The following ATP11C variants were observed in gnomAD, a reference collection of about 807,000 sequenced individuals.
ATP11C encodes phospholipid-transporting ATPase IG.
Under a neutral mutation model 97.4 loss-of-function variants are expected in ATP11C, and 36 were observed. That is an observed-to-expected ratio of 0.37 (90% CI 0.28 to 0.49). The LOEUF is 0.49. Ranked by LOEUF, ATP11C falls within the 20% of genes least tolerant of loss-of-function variation. The probability of loss-of-function intolerance (pLI) is 0.98; values close to 1 mark genes in which losing one functional copy is unlikely to be tolerated. For missense variants in ATP11C, 730 were observed against 824.6 expected (o/e 0.89, Z 1.40); for synonymous variants, 275 against 290.9 (o/e 0.95, Z 0.56).
intron 18 of ATP11C, among the ~76,000 whole-genome samples, chrX:139,781,497 G>A (rs1273661080): frequency 1.8e-5 from 2 of 111,680 alleles, no homozygotes; most frequent in Non-Finnish European, 3.8e-5. Flanking sequence ...AAGCTTATTT[G>A]AGGCCAGCAG....
chrX:139,876,090 C>A (rs1169237205), intron 1 of ATP11C, among the ~76,000 whole-genome samples: 6 of 111,444 alleles, frequency 5.4e-5, no homozygotes, highest in Non-Finnish European at 9.4e-5. Flanking sequence ...TTACTAAATC[C>A]TTCTACAGTA....
At chrX:139,919,909 ACT>A (rs1309222437) in intron 1 of ATP11C, among the ~76,000 whole-genome samples, 1 of 110,440 alleles carries the variant, frequency 9.1e-6, no homozygotes, top group African/African-American at 3.3e-5. Flanking sequence ...ACAGAGTGAG[ACT>A]CTGTCTCAAT....
At chrX:139,808,740 A>G (rs1486036494) in intron 5 of ATP11C, among the ~76,000 whole-genome samples, 2 of 112,545 alleles carry the variant, frequency 1.8e-5, no homozygotes. Context: ...ATAAGATACT[A>G]TATGAAAATT....
intron 1 of ATP11C, among the ~76,000 whole-genome samples, chrX:139,897,657 T>C (rs1309804938): frequency 8.8e-5 from 8 of 91,344 alleles, no homozygotes; most frequent in Admixed American, 3.8e-4. Flanking sequence ...GGCAACAGAG[T>C]AAGACTCTGT....
rs2085459016 is a variant in ATP11C, at chrX:139,932,560, G to A, written c.-518C>T. ...ACGGGGAACCCTCCCGAGGCACCCC[G>A]CGCCTCACCTCGCCTCAGCCCGACA... is the stretch of plus-strand genomic sequence containing the variant. On this transcript the variant is annotated 5_prime_UTR_variant, in exon 1 of 30. Transcript: ENST00000682941. 1 of 110,845 alleles carries A rather than the reference G, an allele frequency of 9.0e-6. No individual in the cohort carries two copies. The highest frequency in any genetic ancestry group is 1.9e-5 in the Non-Finnish European group (1 of 52,550). 9.1% of individuals were successfully genotyped at this position (110,845 alleles called of 1,213,427 possible).
intron 1 of ATP11C, among the ~76,000 whole-genome samples, chrX:139,922,670 C>A (rs932880891): frequency 1.8e-5 from 2 of 111,186 alleles, no homozygotes; most frequent in Non-Finnish European, 3.8e-5. Context: ...GACGTGAAGC[C>A]CCCTCACCAG....
At chrX:139,915,319 A>G (rs931210020) in intron 1 of ATP11C, among the ~76,000 whole-genome samples, 1 of 111,968 alleles carries the variant, frequency 8.9e-6, no homozygotes, top group Non-Finnish European at 1.9e-5. Context: ...AAGCTGTTTA[A>G]AAACAAATTT....
At chrX:139,848,983 T>C (rs2083950408) in intron 1 of ATP11C, among the ~76,000 whole-genome samples, 1 of 112,008 alleles carries the variant, frequency 8.9e-6, no homozygotes, top group Non-Finnish European at 1.9e-5. Context: ...TCCACTTGTC[T>C]TCCTTCATCT....
At chrX:139,851,194 A>G (rs1254194853) in intron 1 of ATP11C, among the ~76,000 whole-genome samples, 1 of 111,574 alleles carries the variant, frequency 9.0e-6, no homozygotes, top group Admixed American at 9.5e-5. Context: ...TCCACAGGCT[A>G]TCTGCCCAGA....
In ATP11C at chrX:139,811,563, CT is replaced by C. The variant is rs373554418; in HGVS notation, c.426+3314del. 3.3e-3 allele frequency among the ~76,000 whole-genome samples: 339 copies of C among 103,681 alleles called. 1 individual carries two copies. The highest frequency in any genetic ancestry group is 9.3e-3 in the African/African-American group (269 of 28,829). The allele number at this position is 103,681 out of a possible 115,157, so 90.0% of individuals were successfully genotyped here. A position where few individuals can be genotyped will look rare whatever the true frequency, so the allele number is the denominator to read the frequency against. ...AACCAGGAAGGCTATCTTAATTATT[CT>C]TTTTTTTTTTTTCTGTTTCTCTCAC... On this transcript the variant is annotated intron_variant, in intron 5 of 29. Transcript: ENST00000682941.
chrX:139,879,212 G>A (rs1334531303), intron 1 of ATP11C, among the ~76,000 whole-genome samples: 1 of 111,200 alleles, frequency 9.0e-6, no homozygotes, highest in Non-Finnish European at 1.9e-5. Flanking sequence ...AGGGATATCT[G>A]TACCCCCATG....
chrX:139,817,051 T>C, intron 3 of ATP11C, 108 bp from the exon 4 acceptor site: 1 of 418,516 alleles, frequency 2.4e-6, no homozygotes, highest in Non-Finnish European at 4.0e-6. Context: ...CAAAACACTT[T>C]CCAGTAGTAG....
At chrX:139,906,990 T>C (rs1000569491) in intron 1 of ATP11C, among the ~76,000 whole-genome samples, 2 of 111,240 alleles carry the variant, frequency 1.8e-5, no homozygotes, top group Non-Finnish European at 3.8e-5. Context: ...TATTTCTTGC[T>C]CACAAAACTT....
At chrX:139,768,514 AGGGGG>A in intron 19 of ATP11C, 80 bp from the exon 20 acceptor site, 1 of 744,877 alleles carries the variant, frequency 1.3e-6, no homozygotes, top group East Asian at 3.7e-5. Flanking sequence ...TAAACAACAA[AGGGGG>A]TGGTCTCAGA....
upstream of ATP11C, among the ~76,000 whole-genome samples, chrX:139,933,490 C>G (rs1253762663): frequency 8.9e-6 from 1 of 112,596 alleles, no homozygotes; most frequent in Non-Finnish European, 1.9e-5. Context: ...AAAAGCGAGT[C>G]CAGAATTGCC....
intron 25 of ATP11C, among the ~76,000 whole-genome samples, chrX:139,744,939 C>A (rs2081647675): frequency 8.9e-6 from 1 of 111,853 alleles, no homozygotes; most frequent in South Asian, 3.8e-4. Context: ...ACAGGTGTTA[C>A]CAGGTTCCAG....
chrX:139,743,477 CA>C (rs1032169812), intron 26 of ATP11C, 81 bp downstream of exon 26: 17 of 627,198 alleles, frequency 2.7e-5, no homozygotes, highest in Non-Finnish European at 3.9e-5. Context: ...ATAAAGGAGA[CA>C]AAAAAATGGT....
chrX:139,866,114 G>A (rs1042023618), intron 1 of ATP11C, among the ~76,000 whole-genome samples: 5 of 110,479 alleles, frequency 4.5e-5, no homozygotes, highest in African/African-American at 1.6e-4. Flanking sequence ...GGCAGGCTGA[G>A]GCGGGCAGAT....
chrX:139,895,432 A>C (rs956572619), intron 1 of ATP11C, among the ~76,000 whole-genome samples: 6 of 111,040 alleles, frequency 5.4e-5, no homozygotes, highest in Non-Finnish European at 1.1e-4. Flanking sequence ...CACCACACCC[A>C]GCTAATTTTG....
Sources: allele counts gnomAD v4.1 joint callset (sites outside exome capture counted in the v4.1 genomes callset), GRCh38; gene constraint gnomAD v4.1.1; transcripts MANE v1.5; gene names NCBI Gene and HGNC (gene_info 2026-07-23, HGNC 2026-07-21).